Variants in THSD7B observed in about 807,000 individuals in gnomAD.
The protein encoded by THSD7B is thrombospondin type 1 domain containing 7B.
THSD7B carries 138 observed loss-of-function variants against 213.6 expected under a neutral mutation model. The observed-to-expected ratio is 0.65, with a 90% CI of 0.56 to 0.74. THSD7B has a LOEUF of 0.74. Among genes scored for constraint, THSD7B ranks in the 30% least tolerant of loss-of-function variants. The probability of loss-of-function intolerance (pLI) is 0.00; values close to 1 mark genes in which losing one functional copy is unlikely to be tolerated. For synonymous variants in THSD7B, 742 were observed against 687.0 expected (o/e 1.08, Z -1.25); for missense variants, 1,931 against 1,991.5 (o/e 0.97, Z 0.58).
At chr2:137,100,107 T>TA (rs1397396698) in intron 4 of THSD7B, among the ~76,000 whole-genome samples, 12 of 3,420 alleles carry the variant, frequency 3.5e-3, no homozygotes, top group African/African-American at 4.6e-3. Context: ...TTTCTAGACA[T>TA]CCTTTTTTCT....
At chr2:137,154,874 T>G (rs1436361399) in intron 5 of THSD7B, among the ~76,000 whole-genome samples, 2 of 152,322 alleles carry the variant, frequency 1.3e-5, no homozygotes, top group Admixed American at 1.3e-4. Flanking sequence ...TTCCTTAACA[T>G]TAAACATATC....
chr2:137,179,999 C>T (rs923706976), intron 7 of THSD7B, among the ~76,000 whole-genome samples: 1 of 152,168 alleles, frequency 6.6e-6, no homozygotes, highest in Non-Finnish European at 1.5e-5. Flanking sequence ...TTATTTGTCA[C>T]AGCCATTAAT....
At chr2:136,802,494 A>T (rs768312239) in intron 1 of THSD7B, among the ~76,000 whole-genome samples, 2 of 151,528 alleles carry the variant, frequency 1.3e-5, no homozygotes, top group African/African-American at 2.4e-5. Context: ...CTTCTCCCCA[A>T]GTTGGCCCTC....
intron 3 of THSD7B, among the ~76,000 whole-genome samples, chr2:137,074,686 G>T (rs1408540749): frequency 6.6e-6 from 1 of 152,122 alleles, no homozygotes; most frequent in Non-Finnish European, 1.5e-5. Flanking sequence ...AGCCTTGACG[G>T]TCTTTACAAT....
At chr2:136,969,517 T>C (rs1167223367) in intron 2 of THSD7B, among the ~76,000 whole-genome samples, 1 of 152,242 alleles carries the variant, frequency 6.6e-6, no homozygotes, top group Admixed American at 6.5e-5. Flanking sequence ...AAATATTTTT[T>C]GAATGACTTC....
chr2:137,225,113 T>C (rs1681466564), intron 7 of THSD7B, among the ~76,000 whole-genome samples: 1 of 152,208 alleles, frequency 6.6e-6, no homozygotes, highest in South Asian at 2.1e-4. Context: ...ATTATTATAT[T>C]TTTTGCCTGT....
intron 2 of THSD7B, among the ~76,000 whole-genome samples, chr2:136,996,643 G>T (rs981935219): frequency 6.6e-6 from 1 of 152,150 alleles, no homozygotes; most frequent in South Asian, 2.1e-4. Flanking sequence ...ACTGCATCTA[G>T]CCACTTTGTT....
intron 12 of THSD7B, among the ~76,000 whole-genome samples, chr2:137,378,318 A>G (rs1183725620): frequency 1.3e-5 from 2 of 152,220 alleles, no homozygotes; most frequent in Non-Finnish European, 2.9e-5. Context: ...GAGGCAATCT[A>G]AAAGGAAGGA....
intron 1 of THSD7B, among the ~76,000 whole-genome samples, chr2:136,799,336 TA>T (rs1175885990): frequency 6.6e-6 from 1 of 151,852 alleles, no homozygotes; most frequent in African/African-American, 2.4e-5. Context: ...TTTCACAAAA[TA>T]AAAAAAATTC....
chr2:137,592,026 A>G (rs1273620725), intron 17 of THSD7B, among the ~76,000 whole-genome samples: 1 of 151,676 alleles, frequency 6.6e-6, no homozygotes, highest in East Asian at 1.9e-4. Flanking sequence ...TCTATTTTGT[A>G]TAATTGGCAT....
chr2:137,482,289 G>A (rs1211738623), intron 15 of THSD7B, among the ~76,000 whole-genome samples: 1 of 151,698 alleles, frequency 6.6e-6, no homozygotes, highest in Non-Finnish European at 1.5e-5. Flanking sequence ...TATTTTGCAT[G>A]TTCACCAAGA....
chr2:137,301,243 GTGACTGGC>G (rs1344117635), intron 12 of THSD7B, among the ~76,000 whole-genome samples: 1 of 152,016 alleles, frequency 6.6e-6, no homozygotes, highest in Non-Finnish European at 1.5e-5. Context: ...TGGTTCCCAG[GTGACTGGC>G]TGTGGACCTC....
At position 137,105,449 on chromosome 2, in the gene THSD7B, A is replaced by G. The variant is rs966885136; in HGVS notation, c.1200-9675A>G. 2.6e-5 allele frequency among the ~76,000 whole-genome samples: 4 copies of G among 152,220 alleles called. No individual in the cohort carries two copies. The East Asian group carries it at 7.7e-4, about 29-fold the overall frequency. On this transcript the variant is annotated intron_variant, in intron 4 of 27. Coordinates refer to ENST00000409968, the MANE Select transcript of THSD7B (RefSeq NM_001316349.2). Reference sequence around the variant, plus strand: ...TTATTACAAACCCACAGCCAATATCATACTGAACGAGCAAAAACTGGAAGC... The same window carrying G: ...TTATTACAAACCCACAGCCAATATCGTACTGAACGAGCAAAAACTGGAAGC...
At chr2:136,843,007 C>T (rs1682940810) in intron 1 of THSD7B, among the ~76,000 whole-genome samples, 1 of 152,026 alleles carries the variant, frequency 6.6e-6, no homozygotes, top group South Asian at 2.1e-4. Flanking sequence ...GGCATGGTCT[C>T]CCTTTCCAGA....
rs1299242530 is a variant in THSD7B, at chr2:137,572,274, G to A, written c.3273-132G>A. The A allele has an allele frequency of 3.6e-6, 4 of 1,098,090 alleles. No homozygotes were observed. The South Asian group carries it at 4.9e-5, about 13-fold the overall frequency. The allele number at this position is 1,098,090 out of a possible 1,614,324, so 68.0% of individuals were successfully genotyped here. On this transcript the variant is annotated intron_variant, in intron 16 of 27. Transcript: ENST00000409968. ...TGACTGACTAAAGGAGGAAAGTTTT[G>A]TTCCCCTTGGTTTCTGTGCTGGTCT... is the stretch of plus-strand genomic sequence containing the variant.
At chr2:136,893,851 C>T (rs183534265) in intron 2 of THSD7B, among the ~76,000 whole-genome samples, 1 of 152,318 alleles carries the variant, frequency 6.6e-6, no homozygotes, top group African/African-American at 2.4e-5. Flanking sequence ...CATTTAACAT[C>T]ACTCATACTT....
intron 16 of THSD7B, among the ~76,000 whole-genome samples, 182 bp downstream of exon 16, chr2:137,563,536 G>T (rs10928618): frequency 0.26 from 39,612 of 152,022 alleles, 5,256 homozygotes; most frequent in Middle Eastern, 0.36. Context: ...GTATAGTGGG[G>T]TTCCCTCTGC....
rs1002483881 is a variant in THSD7B, at chr2:137,311,179, G to C, written c.2500+35153G>C. On this transcript the variant is annotated intron_variant, in intron 12 of 27. Transcript: ENST00000409968. Reference sequence around the variant, plus strand: ...ATTTGTTTGTATCCTCTTTTATTTCGTTGAGCAGTGGTTTGTAGTTCTCCT... The same window carrying C: ...ATTTGTTTGTATCCTCTTTTATTTCCTTGAGCAGTGGTTTGTAGTTCTCCT... Among the ~76,000 whole-genome samples the C allele has an allele frequency of 1.0e-4, 15 of 149,770 alleles. No homozygotes were observed. The East Asian group carries it at 1.0e-3, about 10-fold the overall frequency.
intron 2 of THSD7B, among the ~76,000 whole-genome samples, chr2:136,951,395 A>T (rs10184431): frequency 6.6e-5 from 10 of 152,140 alleles, no homozygotes; most frequent in African/African-American, 2.4e-4. Context: ...ATTTGAATGT[A>T]GCAAACTCTG....
Sources: gnomAD v4.1 joint callset for allele counts (sites outside exome capture counted in the v4.1 genomes callset) on GRCh38, gnomAD v4.1.1 for gene constraint, MANE v1.5 for transcripts, NCBI Gene and HGNC (gene_info 2026-07-23, HGNC 2026-07-21) for gene names.